The following NFATC2 variants were observed in gnomAD, a reference collection of about 807,000 sequenced individuals.
The protein encoded by NFATC2 is nuclear factor of activated T-cells, cytoplasmic 2.
NFATC2 carries 22 observed loss-of-function variants against 87.3 expected under a neutral mutation model. The ratio of observed to expected loss-of-function variants is 0.25; its 90% CI spans 0.18 to 0.36. The LOEUF is 0.36. NFATC2 is among the 10% of genes least tolerant of loss of function. NFATC2 has a pLI of 1.00. For synonymous variants in NFATC2, 565 were observed against 542.2 expected (o/e 1.04, Z -0.58); for missense variants, 1,149 against 1,259.1 (o/e 0.91, Z 1.32).
chr20:51,544,894 CAG>C (rs941226554), upstream of NFATC2, among the ~76,000 whole-genome samples: 1 of 152,206 alleles, frequency 6.6e-6, no homozygotes, highest in South Asian at 2.1e-4. Context: ...GGAATCATTT[CAG>C]AGTCTTGGGC....
upstream of NFATC2, among the ~76,000 whole-genome samples, chr20:51,543,975 ATTTT>A (rs11473264): frequency 2.7e-4 from 20 of 72,972 alleles, no homozygotes; most frequent in Admixed American, 1.0e-3. Context: ...AGAATTCCTA[ATTTT>A]TTTTTTTTTT....
intron 5 of NFATC2, among the ~76,000 whole-genome samples, chr20:51,462,755 A>C (rs1242418045): frequency 1.3e-5 from 2 of 152,106 alleles, no homozygotes; most frequent in Non-Finnish European, 2.9e-5. Context: ...AGTTGTGTTT[A>C]TTTTTATTGC....
chr20:51,432,375 T>C lies in NFATC2; in HGVS notation c.2414A>G (p.Gln805Arg), dbSNP rs1982865640. The C allele has an allele frequency of 6.2e-7, 1 of 1,612,014 alleles. No individual in the cohort carries two copies. The highest frequency in any genetic ancestry group is 1.7e-5 in the Admixed American group (1 of 59,902). The change falls in exon 9 of 11, where the codon CAG becomes CGG. Residue 805 changes from glutamine (Q) to arginine (R), a missense_variant. Around this residue, in one of 3 missense-constraint regions of NFATC2, gnomAD observed 581 missense variants for 649.7 expected, o/e 0.89. Coordinates refer to ENST00000371564, the MANE Select transcript of NFATC2 (RefSeq NM_012340.5). The surrounding 1 kb of genome is among the most constrained non-coding windows in gnomAD (Gnocchi z 4.6). The stretch of plus-strand genomic sequence containing the variant: ...GTAGTGGATCACAGGCGAGGCCTGC[T>C]GGTTGGTCGGAGAGGGGTGGAGCAG... ...SALLHPSPTN[Q>R]QASPVIHYSP...
At chr20:51,544,598 T>C (rs978894643), upstream of NFATC2, among the ~76,000 whole-genome samples, 1 of 152,246 alleles carries the variant, frequency 6.6e-6, no homozygotes, top group African/African-American at 2.4e-5. Flanking sequence ...ATCATGCTTA[T>C]GCCCTGAAAG....
At chr20:51,403,502 G>A (rs1988262220) in intron 9 of NFATC2, among the ~76,000 whole-genome samples, 1 of 152,174 alleles carries the variant, frequency 6.6e-6, no homozygotes, top group African/African-American at 2.4e-5. Context: ...TACAGTCCCT[G>A]CTACACACTA....
At chr20:51,422,563 A>ACC (rs1981095336) in intron 9 of NFATC2, among the ~76,000 whole-genome samples, 1 of 95,938 alleles carries the variant, frequency 1.0e-5, no homozygotes, top group Non-Finnish European at 2.0e-5. Flanking sequence ...CAGGAAGAAA[A>ACC]CCCCTCTTTT....
intron 5 of NFATC2, among the ~76,000 whole-genome samples, chr20:51,472,180 G>A (rs548903290): frequency 3.1e-4 from 47 of 152,274 alleles, no homozygotes; most frequent in East Asian, 1.7e-3. Flanking sequence ...ACTTGAACCC[G>A]GGAGGTAGAA....
At chr20:51,442,705 TTG>T (rs1432820453) in intron 6 of NFATC2, among the ~76,000 whole-genome samples, 2,027 of 105,652 alleles carry the variant, frequency 0.019, 48 homozygotes, top group African/African-American at 0.067. Flanking sequence ...TAAATAAAGT[TTG>T]TTTTTTTTTT....
At chr20:51,482,065 G>T (rs553765017) in intron 3 of NFATC2, among the ~76,000 whole-genome samples, 1 of 152,208 alleles carries the variant, frequency 6.6e-6, no homozygotes, top group South Asian at 2.1e-4. Context: ...GGCCCTGTTT[G>T]TTTCTTCTGT....
chr20:51,512,342 C>T (rs1197412269), intron 3 of NFATC2, among the ~76,000 whole-genome samples: 4 of 152,150 alleles, frequency 2.6e-5, no homozygotes, highest in East Asian at 3.9e-4. Context: ...TCCAAGTGGC[C>T]GCCATCTGGC....
intron 3 of NFATC2, among the ~76,000 whole-genome samples, chr20:51,484,962 A>G (rs892682020): frequency 1.3e-5 from 2 of 152,252 alleles, no homozygotes; most frequent in African/African-American, 4.8e-5. Context: ...GACATTCTGG[A>G]CAGGCTTGAA....
chr20:51,529,892 A>G (rs1173719023), intron 1 of NFATC2, among the ~76,000 whole-genome samples: 3 of 152,220 alleles, frequency 2.0e-5, no homozygotes, highest in East Asian at 3.8e-4. Context: ...TGGCTGGGCA[A>G]AGGCTCTGAG....
At chr20:51,516,594 T>C (rs1374321357) in intron 3 of NFATC2, among the ~76,000 whole-genome samples, 190 bp downstream of exon 3, 1 of 152,232 alleles carries the variant, frequency 6.6e-6, no homozygotes, top group Admixed American at 6.5e-5. Context: ...TGAAGAAGAC[T>C]TTCTCTTCTG....
At chr20:51,550,975 A>C (rs1208121316) in intron 1 of NFATC2, among the ~76,000 whole-genome samples, 3 of 152,234 alleles carry the variant, frequency 2.0e-5, no homozygotes, top group Admixed American at 6.5e-5. Context: ...ACAACCTCCC[A>C]TTATAATAAA....
chr20:51,499,127 G>A (rs529017450), intron 3 of NFATC2, among the ~76,000 whole-genome samples: 26 of 152,290 alleles, frequency 1.7e-4, no homozygotes, highest in African/African-American at 5.1e-4. Context: ...TCTATACTCC[G>A]GGAGGGGAGA....
chr20:51,417,383 C>T (rs150100599), intron 9 of NFATC2, among the ~76,000 whole-genome samples: 1,906 of 152,258 alleles, frequency 0.013, 23 homozygotes, highest in Non-Finnish European at 0.019. Flanking sequence ...CTTTCCATGA[C>T]GCCGCCGTCA....
rs6123029 is a variant in NFATC2 at position 51,426,498 on chromosome 20, C to T, written c.2722+5569G>A. Reference sequence around the variant, plus strand: ...GTCTCAAAAAAAAAAAAATCATAAACAAAACAGCAGATCACATTTATGGAA... The same window carrying T: ...GTCTCAAAAAAAAAAAAATCATAAATAAAACAGCAGATCACATTTATGGAA... On this transcript the variant is annotated intron_variant, in intron 9 of 10. Transcript: ENST00000371564. Among the ~76,000 whole-genome samples the T allele has an allele frequency of 8.6e-5, 13 of 151,620 alleles. No individual in the cohort carries two copies. In the South Asian group the frequency reaches 2.7e-3, roughly 31 times the overall value.
chr20:51,488,961 G>A (rs775200338), intron 3 of NFATC2, among the ~76,000 whole-genome samples: 11 of 152,240 alleles, frequency 7.2e-5, no homozygotes. Flanking sequence ...GGCCAAGGCA[G>A]GCGGATCACT....
chr20:51,414,621 A>G (rs1979775680), intron 9 of NFATC2, among the ~76,000 whole-genome samples: 1 of 152,024 alleles, frequency 6.6e-6, no homozygotes, highest in African/African-American at 2.4e-5. Flanking sequence ...CCCAGGAGGC[A>G]GAGGTTGCAG....
Sources: allele counts gnomAD v4.1 joint callset (sites outside exome capture counted in the v4.1 genomes callset), GRCh38; gene constraint gnomAD v4.1.1; regional missense constraint gnomAD v4.1.1; non-coding constraint Gnocchi (gnomAD v3.1); transcripts MANE v1.5; gene names NCBI Gene and HGNC (gene_info 2026-07-23, HGNC 2026-07-21).